Variants in TMEM117 observed in about 807,000 individuals in gnomAD.
TMEM117 encodes transmembrane protein 117.
Under a neutral mutation model 52.4 loss-of-function variants are expected in TMEM117, and 27 were observed. The ratio of observed to expected loss-of-function variants is 0.51; its 90% CI spans 0.38 to 0.71. The LOEUF is 0.71. TMEM117 is among the 30% of genes least tolerant of loss of function. The probability of loss-of-function intolerance (pLI) is 0.00; values close to 1 mark genes in which losing one functional copy is unlikely to be tolerated. For missense variants in TMEM117, 556 were observed against 630.5 expected, an observed-to-expected ratio of 0.88 and a Z score of 1.26; for synonymous variants, 215 against 206.3, an observed-to-expected ratio of 1.04 and a Z score of -0.36.
At chr12:44,295,012 TG>T (rs1296558742) in intron 5 of TMEM117, among the ~76,000 whole-genome samples, 1 of 152,130 alleles carries the variant, frequency 6.6e-6, no homozygotes, top group Non-Finnish European at 1.5e-5. Flanking sequence ...ATTCTCTGGG[TG>T]GGTCCTTCTT....
intron 7 of TMEM117, among the ~76,000 whole-genome samples, chr12:44,386,626 C>T (rs1257144776): frequency 1.3e-5 from 2 of 151,762 alleles, no homozygotes; most frequent in Non-Finnish European, 2.9e-5. Flanking sequence ...ATTACTGGGC[C>T]CCTATTATGT....
chr12:44,188,207 A>C (rs1195396121), intron 4 of TMEM117, among the ~76,000 whole-genome samples: 1 of 152,068 alleles, frequency 6.6e-6, no homozygotes, highest in Non-Finnish European at 1.5e-5. Context: ...TAGGCCTGCA[A>C]ATCTGTTTTC....
At chr12:43,804,668 T>A in the TMEM117 span, 1 of 786,550 alleles carries the variant, frequency 1.3e-6, no homozygotes, top group South Asian at 1.9e-5. Flanking sequence ...AAAGAAAAAA[T>A]CTGGAGCATG....
At chr12:44,348,593 G>A (rs1485763831) in intron 6 of TMEM117, among the ~76,000 whole-genome samples, 1 of 152,056 alleles carries the variant, frequency 6.6e-6, no homozygotes, top group East Asian at 1.9e-4. Flanking sequence ...AAAACATTTT[G>A]TGTTTATAGC....
At position 44,180,166 on chromosome 12, in the gene TMEM117, G is replaced by A. The variant is rs558555122; in HGVS notation, c.511-31124G>A. On this transcript the variant is annotated intron_variant, in intron 4 of 7. Transcript: ENST00000266534. Reference sequence around the variant, plus strand: ...GGGCAGCCAGTTCCCAGTGTTAACAGTTGGTGAGAGCACACATTTATGGTA... The same window carrying A: ...GGGCAGCCAGTTCCCAGTGTTAACAATTGGTGAGAGCACACATTTATGGTA... Among the ~76,000 whole-genome samples the A allele has an allele frequency of 2.6e-5, 4 of 152,226 alleles. No homozygotes were observed. The East Asian group carries it at 7.7e-4, about 29-fold the overall frequency.
chr12:44,032,911 T>C (rs953778205), intron 3 of TMEM117, among the ~76,000 whole-genome samples: 1 of 152,122 alleles, frequency 6.6e-6, no homozygotes, highest in African/African-American at 2.4e-5. Context: ...TGGGGAGGAA[T>C]GTCAGAGGTG....
At chr12:44,012,256 A>G (rs901329619) in intron 3 of TMEM117, among the ~76,000 whole-genome samples, 2 of 151,720 alleles carry the variant, frequency 1.3e-5, no homozygotes, top group African/African-American at 4.8e-5. Flanking sequence ...TTTGAATACA[A>G]TTTGCCCAGG....
intron 3 of TMEM117, among the ~76,000 whole-genome samples, chr12:44,082,323 A>G (rs997832972): frequency 1.3e-5 from 2 of 151,980 alleles, no homozygotes; most frequent in Non-Finnish European, 2.9e-5. Context: ...CTTAATTGAT[A>G]CTACTGAGTA....
At chr12:44,018,629 CT>C (rs2137827296) in intron 3 of TMEM117, among the ~76,000 whole-genome samples, 1 of 152,134 alleles carries the variant, frequency 6.6e-6, no homozygotes, top group African/African-American at 2.4e-5. Context: ...CATAGTATGT[CT>C]TAAGCAACTC....
At chr12:44,320,296 C>G (rs1261360493) in intron 6 of TMEM117, among the ~76,000 whole-genome samples, 1 of 152,202 alleles carries the variant, frequency 6.6e-6, no homozygotes, top group Non-Finnish European at 1.5e-5. Context: ...ACTCTTATCA[C>G]CTATACCTTA....
At chr12:43,991,748 G>A (rs776643691) in intron 3 of TMEM117, among the ~76,000 whole-genome samples, 1 of 152,156 alleles carries the variant, frequency 6.6e-6, no homozygotes, top group Non-Finnish European at 1.5e-5. Flanking sequence ...GCAAGAGAGA[G>A]ATTGCTTATT....
chr12:43,820,103 TTTTTTGTTTTTG>T, the TMEM117 span, among the ~76,000 whole-genome samples: 4,435 of 151,556 alleles, frequency 0.029, 89 homozygotes, highest in South Asian at 0.074. Context: ...AGGTGTATTT[TTTTTTGTTTTTG>T]TTTTTGTTTT....
chr12:44,148,271 TC>T (rs1017541282), intron 4 of TMEM117, among the ~76,000 whole-genome samples: 2 of 152,200 alleles, frequency 1.3e-5, no homozygotes, highest in Non-Finnish European at 2.9e-5. Context: ...GGACTTTTTT[TC>T]CCCTTGAAAG....
intron 5 of TMEM117, among the ~76,000 whole-genome samples, chr12:44,286,851 T>G (rs1950645360): frequency 6.6e-6 from 1 of 152,156 alleles, no homozygotes; most frequent in East Asian, 1.9e-4. Context: ...TTTGTGCAGC[T>G]TTTTAGCTGA....
intron 4 of TMEM117, among the ~76,000 whole-genome samples, chr12:44,179,763 A>C (rs1010799268): frequency 2.0e-5 from 3 of 152,180 alleles, no homozygotes; most frequent in East Asian, 3.9e-4. Flanking sequence ...TTGACACCTA[A>C]TGTTAACCAT....
intron 3 of TMEM117, among the ~76,000 whole-genome samples, chr12:44,034,094 A>G (rs910912427): frequency 6.6e-6 from 1 of 152,212 alleles, no homozygotes; most frequent in Non-Finnish European, 1.5e-5. Flanking sequence ...AAGTCCCTCA[A>G]CAAAAGCAGG....
intron 6 of TMEM117, among the ~76,000 whole-genome samples, chr12:44,318,141 A>G (rs1163310999): frequency 1.3e-5 from 2 of 152,156 alleles, no homozygotes; most frequent in Non-Finnish European, 2.9e-5. Context: ...CTCTCCACAG[A>G]AAGTGTGGGG....
intron 6 of TMEM117, chr12:44,318,163 A>C (rs573129764): frequency 2.4e-4 from 37 of 152,492 alleles, no homozygotes; most frequent in African/African-American, 8.4e-4. Context: ...AACTCAGGCC[A>C]CTGACCCAGG....
At chr12:44,123,147 TTC>T (rs574410391) in intron 3 of TMEM117, among the ~76,000 whole-genome samples, 102 of 152,356 alleles carry the variant, frequency 6.7e-4, no homozygotes, top group African/African-American at 2.1e-3. Context: ...TGATTTGCAT[TTC>T]TCTAATAATC....
Sources: gnomAD v4.1 joint callset for allele counts (sites outside exome capture counted in the v4.1 genomes callset) on GRCh38, gnomAD v4.1.1 for gene constraint, MANE v1.5 for transcripts, NCBI Gene and HGNC (gene_info 2026-07-23, HGNC 2026-07-21) for gene names.